The following ESRRG variants were observed in gnomAD, a reference collection of about 807,000 sequenced individuals.
ESRRG encodes estrogen related receptor gamma.
In ESRRG, 13 loss-of-function variants were observed where a neutral mutation model predicts 44.0. That is an observed-to-expected ratio of 0.30 (90% confidence interval 0.19 to 0.47). ESRRG has a LOEUF of 0.47. ESRRG is among the 20% of genes least tolerant of loss of function. The pLI is 1.00. For missense variants in ESRRG, 395 were observed against 580.6 expected (o/e 0.68, Z 3.29); for synonymous variants, 215 against 214.6 (o/e 1.00, Z -0.02).
intron 5 of ESRRG, among the ~76,000 whole-genome samples, chr1:216,544,855 A>G (rs4462218): frequency 0.28 from 43,069 of 151,674 alleles, 7,183 homozygotes; most frequent in Admixed American, 0.39. Flanking sequence ...AGTGACATGA[A>G]ACTGACTTTA....
At chr1:216,712,930 T>A (rs570773294) in intron 1 of ESRRG, among the ~76,000 whole-genome samples, 2 of 152,346 alleles carry the variant, frequency 1.3e-5, no homozygotes, top group South Asian at 4.1e-4. Context: ...AAATATATTT[T>A]AAGGAACTAG....
chr1:217,012,024 C>A (rs552218318), intron 1 of ESRRG, among the ~76,000 whole-genome samples: 1 of 152,190 alleles, frequency 6.6e-6, no homozygotes, highest in South Asian at 2.1e-4. Context: ...ATCTGAAATG[C>A]ATGCAATTGA....
chr1:216,709,777 A>T (rs2151956770), intron 1 of ESRRG, among the ~76,000 whole-genome samples: 1 of 152,142 alleles, frequency 6.6e-6, no homozygotes, highest in Admixed American at 6.5e-5. Flanking sequence ...ACCTTGGTGA[A>T]AATATAAATT....
At chr1:216,833,023 A>ATT (rs528723153) in intron 2 of ESRRG, among the ~76,000 whole-genome samples, 1 of 139,860 alleles carries the variant, frequency 7.2e-6, no homozygotes, top group African/African-American at 2.8e-5. Context: ...AATTAATTTT[A>ATT]TTTTTTTTTC....
At chr1:216,750,143 A>T (rs775202266) in intron 2 of ESRRG, among the ~76,000 whole-genome samples, 3 of 152,028 alleles carry the variant, frequency 2.0e-5, no homozygotes, top group Non-Finnish European at 4.4e-5. Flanking sequence ...GTTTGTAGAG[A>T]AGTCTGTTTA....
At chr1:216,694,503 C>T (rs920956443) in intron 1 of ESRRG, among the ~76,000 whole-genome samples, 3 of 152,088 alleles carry the variant, frequency 2.0e-5, no homozygotes, top group Non-Finnish European at 4.4e-5. Context: ...AAAAAGAAAT[C>T]AGCCAGTTTG....
intron 2 of ESRRG, among the ~76,000 whole-genome samples, chr1:216,858,849 A>C (rs2096001008): frequency 6.6e-6 from 1 of 152,184 alleles, no homozygotes; most frequent in African/African-American, 2.4e-5. Flanking sequence ...AAAAGAGAGC[A>C]GTTCTGTGAA....
chr1:217,085,110 A>T (rs376822335), intron 1 of ESRRG, among the ~76,000 whole-genome samples: 60,093 of 151,724 alleles, frequency 0.4, 12,018 homozygotes, highest in East Asian at 0.57. Context: ...TGAATCAAGG[A>T]TGAGTAAATG....
intron 3 of ESRRG, among the ~76,000 whole-genome samples, chr1:216,588,841 C>T (rs888045862): frequency 6.6e-6 from 1 of 152,130 alleles, no homozygotes; most frequent in Non-Finnish European, 1.5e-5. Context: ...TCCCCACCCC[C>T]AAAACAAGCG....
intron 1 of ESRRG, among the ~76,000 whole-genome samples, chr1:216,974,708 G>T (rs916454499): frequency 2.6e-5 from 4 of 152,082 alleles, no homozygotes; most frequent in African/African-American, 9.7e-5. Context: ...ACAAGGACCT[G>T]TCCTTCAAAG....
intron 1 of ESRRG, among the ~76,000 whole-genome samples, chr1:217,053,464 A>AT (rs1459279114): frequency 1.1e-5 from 1 of 93,802 alleles, no homozygotes; most frequent in African/African-American, 4.0e-5. Context: ...CAAAGCCAAA[A>AT]AAAAGAAAGA....
At chr1:216,777,754 C>T (rs1396899682) in intron 2 of ESRRG, among the ~76,000 whole-genome samples, 1 of 152,140 alleles carries the variant, frequency 6.6e-6, no homozygotes, top group African/African-American at 2.4e-5. Context: ...CTTTCTTATA[C>T]ACACACATAA....
At chr1:216,622,371 C>T (rs547387122) in intron 3 of ESRRG, among the ~76,000 whole-genome samples, 1 of 152,250 alleles carries the variant, frequency 6.6e-6, no homozygotes, top group South Asian at 2.1e-4. Context: ...ATGGCTGGTG[C>T]CTGCCATTTT....
chr1:216,744,392 A>C (rs1184400762), intron 2 of ESRRG, among the ~76,000 whole-genome samples: 1 of 152,174 alleles, frequency 6.6e-6, no homozygotes, highest in Admixed American at 6.5e-5. Context: ...CATCAACTGT[A>C]CAACATTCAT....
intron 2 of ESRRG, among the ~76,000 whole-genome samples, chr1:216,926,694 T>G (rs2062632008): frequency 6.6e-6 from 1 of 152,194 alleles, no homozygotes; most frequent in East Asian, 1.9e-4. Context: ...AGTATAATGT[T>G]TCACTTAATG....
At chr1:216,648,303 G>T (rs866982112) in intron 3 of ESRRG, among the ~76,000 whole-genome samples, 55 of 152,036 alleles carry the variant, frequency 3.6e-4, no homozygotes, top group African/African-American at 1.3e-3. Flanking sequence ...CCATCCTTTC[G>T]ATTTGGTGGT....
At chr1:216,713,785 T>C (rs1262260588) in intron 1 of ESRRG, among the ~76,000 whole-genome samples, 1 of 152,196 alleles carries the variant, frequency 6.6e-6, no homozygotes. Context: ...GCACAGAGTG[T>C]CTAAAACATT....
intron 2 of ESRRG, among the ~76,000 whole-genome samples, chr1:216,853,707 G>C (rs1256067880): frequency 6.6e-6 from 1 of 152,118 alleles, no homozygotes; most frequent in East Asian, 1.9e-4. Context: ...TATTCCCCAA[G>C]TGCCAGTAAA....
chr1:216,639,378 C>A (rs115227292), intron 3 of ESRRG, among the ~76,000 whole-genome samples: 209 of 152,190 alleles, frequency 1.4e-3, no homozygotes, highest in African/African-American at 4.6e-3. Flanking sequence ...ATTAATTGGA[C>A]AATCCAGGGA....
Sources: gnomAD v4.1 joint callset for allele counts (sites outside exome capture counted in the v4.1 genomes callset) on GRCh38, gnomAD v4.1.1 for gene constraint, MANE v1.5 for transcripts, NCBI Gene and HGNC (gene_info 2026-07-23, HGNC 2026-07-21) for gene names.